Variants in CNKSR3 observed in about 807,000 individuals in gnomAD.
CNKSR3 encodes CNKSR family member 3, also known as connector enhancer of kinase suppressor of ras 3.
A neutral mutation model predicts 67.7 loss-of-function variants in CNKSR3; 36 were observed. The observed-to-expected ratio is 0.53, with a 90% confidence interval of 0.41 to 0.70. CNKSR3 has a LOEUF of 0.70. CNKSR3 is among the 30% of genes least tolerant of loss of function. The pLI, the probability that CNKSR3 is intolerant of heterozygous loss-of-function variation, is 0.00. For missense variants in CNKSR3, 630 were observed against 695.2 expected (o/e 0.91, Z 1.05); for synonymous variants, 281 against 271.4 (o/e 1.04, Z -0.35).
chr6:154,477,745 C>T (rs55947773), intron 1 of CNKSR3, among the ~76,000 whole-genome samples: 6,320 of 152,278 alleles, frequency 0.042, 207 homozygotes, highest in Admixed American at 0.091. Flanking sequence ...AGCAGGACTG[C>T]TAATGGACTC....
chr6:154,411,402 T>C (rs1225251670), intron 10 of CNKSR3, among the ~76,000 whole-genome samples: 1 of 152,142 alleles, frequency 6.6e-6, no homozygotes, highest in Non-Finnish European at 1.5e-5. Flanking sequence ...ATCCCAGCAC[T>C]TTGGGAGGCC....
intron 1 of CNKSR3, among the ~76,000 whole-genome samples, chr6:154,509,728 C>G (rs566655368): frequency 1.3e-5 from 2 of 152,256 alleles, no homozygotes; most frequent in South Asian, 4.1e-4. Context: ...GGCACCGCAC[C>G]GGGGCCAGGC....
intron 1 of CNKSR3, among the ~76,000 whole-genome samples, chr6:154,463,296 A>G (rs917763756): frequency 2.6e-5 from 4 of 151,546 alleles, no homozygotes; most frequent in Non-Finnish European, 5.9e-5. Context: ...GTCTTGAGAT[A>G]TCTCCTGACC....
intron 5 of CNKSR3, among the ~76,000 whole-genome samples, chr6:154,431,440 CA>C (rs34060385): frequency 0.19 from 17,664 of 93,062 alleles, 719 homozygotes; most frequent in Admixed American, 0.29. Context: ...GAGACTCTGT[CA>C]AAAAAAAAAA....
chr6:154,454,128 G>C (rs1167882717), intron 1 of CNKSR3, among the ~76,000 whole-genome samples: 97,921 of 142,536 alleles, frequency 0.69, 34,213 homozygotes, highest in East Asian at 0.87. Flanking sequence ...GAGAGAGAGA[G>C]AGAGAGAGAG....
chr6:154,495,593 T>C (rs1049832929), intron 1 of CNKSR3, among the ~76,000 whole-genome samples: 4 of 151,830 alleles, frequency 2.6e-5, no homozygotes, highest in African/African-American at 4.8e-5. Context: ...CAGGCTGGTT[T>C]TAAACTCCTG....
At chr6:154,424,928 C>T (rs1032884538) in intron 7 of CNKSR3, among the ~76,000 whole-genome samples, 15 of 152,268 alleles carry the variant, frequency 9.9e-5, no homozygotes, top group South Asian at 6.2e-4. Flanking sequence ...CCCACCACCA[C>T]GCCCAGCTAA....
intron 9 of CNKSR3, among the ~76,000 whole-genome samples, chr6:154,422,031 C>T (rs1412346399): frequency 4.9e-5 from 7 of 142,428 alleles, no homozygotes; most frequent in Non-Finnish European, 9.0e-5. Flanking sequence ...CTCACTCTGT[C>T]GTCCAGGCTG....
chr6:154,415,227 C>CTTTTTTTTT lies in CNKSR3; in HGVS notation c.946-805_946-804insAAAAAAAAA, dbSNP rs773533317. Reference sequence around the variant, plus strand: ...ATCCTGGCTAGACTTACTAGCTGCCCATTTTTTTTTTTTTTTTTTTTAAGA... The same window carrying CTTTTTTTTT: ...ATCCTGGCTAGACTTACTAGCTGCCCTTTTTTTTTATTTTTTTTTTTTTTTTTTTTAAGA... On this transcript the variant is annotated intron_variant, in intron 9 of 12. Transcript: ENST00000607772. Among the ~76,000 whole-genome samples, 43 of 112,778 alleles carry CTTTTTTTTT rather than the reference C, an allele frequency of 3.8e-4. 6 individuals carry two copies. The highest frequency in any genetic ancestry group is 5.2e-4 in the African/African-American group (14 of 26,842). 74.0% of individuals were successfully genotyped at this position (112,778 alleles called of 152,430 possible).
At chr6:154,415,248 T>TTTTTA (rs1397659584) in intron 9 of CNKSR3, among the ~76,000 whole-genome samples, 2 of 140,186 alleles carry the variant, frequency 1.4e-5, no homozygotes, top group Non-Finnish European at 3.1e-5. Flanking sequence ...TTTTTTTTTT[T>TTTTTA]AAGATGGAGT....
In CNKSR3 at chr6:154,442,067, A is replaced by G. The variant is rs1036083259; in HGVS notation, c.419+21T>C. 3.8e-6 allele frequency: 6 copies of G among 1,582,388 alleles called. No individual in the cohort carries two copies. The African/African-American group carries it at 6.8e-5, about 18-fold the overall frequency. The stretch of plus-strand genomic sequence containing the variant: ...CTCTATCTACTCTTGCAGGGCAGTA[A>G]AAGGCACATCTCCAACTTACCGGTC... On this transcript the variant is annotated intron_variant, in intron 3 of 12. Coordinates refer to ENST00000607772, the MANE Select transcript of CNKSR3 (RefSeq NM_173515.4).
rs1441230296 is a variant in CNKSR3 at position 154,390,517 on chromosome 6, A to C, written c.*15837T>G. 1.3e-5 allele frequency: 2 copies of C among 152,108 alleles called. No homozygotes were observed. The highest frequency in any genetic ancestry group is 2.4e-5 in the African/African-American group (1 of 41,404). 9.4% of individuals were successfully genotyped at this position (152,108 alleles called of 1,614,324 possible). ...GAAATGGGAGGCTCCCAGAGGATAA[A>C]TTTCTTCTTCCCTTCCTCTCGTCTC... On this transcript the variant is annotated 3_prime_UTR_variant, in exon 13 of 13. Transcript: ENST00000607772.
rs10603494 is a variant in CNKSR3 at position 154,405,885 on chromosome 6, GTAGA to G, written c.*465_*468del. ...TCAAAGCTGCTACACTTAAAATATG[GTAGA>G]TAGTTTAGAAAAATCAAATCAAAAA... On this transcript the variant is annotated 3_prime_UTR_variant, in exon 13 of 13. Transcript: ENST00000607772. 0.42 allele frequency: 67,162 copies of G among 160,162 alleles called. 14,693 individuals carry two copies. The highest frequency in any genetic ancestry group is 0.58 in the East Asian group (3,146 of 5,426). The allele number at this position is 160,162 out of a possible 1,614,324, so 9.9% of individuals were successfully genotyped here. A position where few individuals can be genotyped will look rare whatever the true frequency, so the allele number is the denominator to read the frequency against.
intron 1 of CNKSR3, among the ~76,000 whole-genome samples, chr6:154,497,419 G>A (rs956242589): frequency 2.6e-5 from 4 of 152,000 alleles, no homozygotes; most frequent in African/African-American, 9.7e-5. Flanking sequence ...GAGAGAGAGA[G>A]AAATGCTATA....
intron 1 of CNKSR3, among the ~76,000 whole-genome samples, chr6:154,460,651 G>T (rs1786059865): frequency 6.6e-6 from 1 of 152,090 alleles, no homozygotes; most frequent in East Asian, 1.9e-4. Context: ...AGAAAGGAAT[G>T]CATTTTACCC....
intron 7 of CNKSR3, among the ~76,000 whole-genome samples, chr6:154,424,569 G>A (rs1785216281): frequency 1.3e-5 from 2 of 152,200 alleles, no homozygotes; most frequent in Admixed American, 1.3e-4. Context: ...TCTCTAAATT[G>A]TTGTGACAGG....
chr6:154,478,914 GC>G (rs1786508341), intron 1 of CNKSR3, among the ~76,000 whole-genome samples: 1 of 152,208 alleles, frequency 6.6e-6, no homozygotes, highest in Non-Finnish European at 1.5e-5. Flanking sequence ...TCATGAGAAT[GC>G]CATGCTGGCC....
At chr6:154,468,499 A>C (rs1261239121) in intron 1 of CNKSR3, among the ~76,000 whole-genome samples, 1 of 151,288 alleles carries the variant, frequency 6.6e-6, no homozygotes, top group African/African-American at 2.4e-5. Context: ...CTGCCTTTTA[A>C]ATTTTTTCCT....
At position 154,392,342 on chromosome 6, in the gene CNKSR3, C is replaced by T. The variant is rs893774709; in HGVS notation, c.*14012G>A. 1.4e-4 allele frequency: 21 copies of T among 152,274 alleles called. No individual in the cohort carries two copies. Among genetic ancestry groups the T allele is most frequent in the African/African-American group, 4.1e-4 (17 of 41,552 alleles). 9.4% of individuals were successfully genotyped at this position (152,274 alleles called of 1,614,324 possible). ...TCATTTTTACTTGCTGCAGAATATT[C>T]CATGGTAAGAATATACCACATGTAA... On this transcript the variant is annotated 3_prime_UTR_variant, in exon 13 of 13. Transcript: ENST00000607772.
Sources: allele counts gnomAD v4.1 joint callset (sites outside exome capture counted in the v4.1 genomes callset), GRCh38; gene constraint gnomAD v4.1.1; transcripts MANE v1.5; gene names NCBI Gene and HGNC (gene_info 2026-07-23, HGNC 2026-07-21).